The following ITGA2 variants were observed in gnomAD, a reference collection of about 807,000 sequenced individuals.
ITGA2 encodes integrin alpha-2.
Under a neutral mutation model 146.3 loss-of-function variants are expected in ITGA2, and 101 were observed. The observed-to-expected ratio is 0.69, with a 90% confidence interval of 0.59 to 0.81. ITGA2 has a LOEUF of 0.81. Ranked by LOEUF, ITGA2 falls within the 40% of genes least tolerant of loss-of-function variation. ITGA2 has a pLI of 0.00. For missense variants in ITGA2, 1,281 were observed against 1,402.7 expected, an observed-to-expected ratio of 0.91 and a Z score of 1.39; for synonymous variants, 477 against 487.1, an observed-to-expected ratio of 0.98 and a Z score of 0.27.
chr5:53,028,998 A>G (rs935893395), intron 2 of ITGA2, among the ~76,000 whole-genome samples: 3 of 152,162 alleles, frequency 2.0e-5, no homozygotes, highest in African/African-American at 7.2e-5. Flanking sequence ...TCGGCCAGGA[A>G]CGGTGGCTCA....
At chr5:53,016,449 G>T (rs1335883648) in intron 1 of ITGA2, among the ~76,000 whole-genome samples, 1 of 152,116 alleles carries the variant, frequency 6.6e-6, no homozygotes, top group Admixed American at 6.5e-5. Flanking sequence ...CTGCTTATAA[G>T]GTTCGTTGTT....
At chr5:53,049,699 T>C (rs1744262511) in intron 6 of ITGA2, among the ~76,000 whole-genome samples, 1 of 152,154 alleles carries the variant, frequency 6.6e-6, no homozygotes, top group Admixed American at 6.5e-5. Context: ...GTTTTGGATT[T>C]TTTTTTTCCT....
intron 26 of ITGA2, 81 bp downstream of exon 26, chr5:53,081,777 C>G (rs1221107692): frequency 3.2e-6 from 3 of 930,442 alleles, no homozygotes; most frequent in Non-Finnish European, 5.2e-6. Context: ...CTCCTACCAG[C>G]TGATATCATA....
chr5:53,066,521 C>T lies in ITGA2; in HGVS notation c.1943+544C>T, dbSNP rs565287397. On this transcript the variant is annotated intron_variant, in intron 15 of 29. Coordinates refer to ENST00000296585, the MANE Select transcript of ITGA2 (RefSeq NM_002203.4). ...AAGGTCAAAAATAAGTATATTGGGC[C>T]GGCAAGGGAATAGAATCAGAAAGAA... Among the ~76,000 whole-genome samples the T allele has an allele frequency of 1.2e-3, 184 of 151,744 alleles. 2 individuals are homozygous for T. The South Asian group carries it at 0.035, about 29-fold the overall frequency.
At chr5:53,055,135 G>A (rs544939416) in intron 7 of ITGA2, among the ~76,000 whole-genome samples, 20 of 151,452 alleles carry the variant, frequency 1.3e-4, no homozygotes, top group Non-Finnish European at 2.7e-4. Context: ...TTTTAACTGT[G>A]GATATCTATT....
rs529243270 is a variant in ITGA2 at position 53,045,907 on chromosome 5, G to A, written c.387+815G>A. On this transcript the variant is annotated intron_variant, in intron 4 of 29. Coordinates refer to ENST00000296585, the MANE Select transcript of ITGA2 (RefSeq NM_002203.4). ...ATAACCCTGTTAAAATTGTCTTAGAGAGGTTGGGCGCGGTGGCTCATGGCT... is the reference window on the plus strand; with the variant it reads ...ATAACCCTGTTAAAATTGTCTTAGAAAGGTTGGGCGCGGTGGCTCATGGCT... Among the ~76,000 whole-genome samples, 4 of 79,992 alleles carry A rather than the reference G, an allele frequency of 5.0e-5. No individual in the cohort carries two copies. In the East Asian group the frequency reaches 1.3e-3, roughly 27 times the overall value. 52.5% of individuals were successfully genotyped at this position (79,992 alleles called of 152,430 possible).
chr5:53,079,682 A>T (rs1402601314), intron 24 of ITGA2, among the ~76,000 whole-genome samples: 1 of 152,172 alleles, frequency 6.6e-6, no homozygotes, highest in African/African-American at 2.4e-5. Context: ...TGATCTAGAT[A>T]CTACAATAGA....
intron 1 of ITGA2, among the ~76,000 whole-genome samples, chr5:53,010,214 A>T (rs3212402): frequency 0.19 from 28,861 of 151,976 alleles, 2,821 homozygotes; most frequent in Non-Finnish European, 0.2. Flanking sequence ...GCAAATTTTT[A>T]AAAAAATGTT....
At chr5:53,030,698 G>T (rs185776834) in intron 2 of ITGA2, among the ~76,000 whole-genome samples, 6 of 152,216 alleles carry the variant, frequency 3.9e-5, no homozygotes, top group Non-Finnish European at 8.8e-5. Context: ...AAACATAGTT[G>T]TTGGCCTTAA....
At chr5:53,046,976 G>A (rs1007835170) in intron 4 of ITGA2, among the ~76,000 whole-genome samples, 1 of 151,690 alleles carries the variant, frequency 6.6e-6, no homozygotes, top group African/African-American at 2.4e-5. Flanking sequence ...TTTAAAAAAA[G>A]CTTAGGAATG....
chr5:53,052,109 C>T (rs1374497055), intron 7 of ITGA2, among the ~76,000 whole-genome samples: 2 of 151,936 alleles, frequency 1.3e-5, no homozygotes, highest in Non-Finnish European at 2.9e-5. Context: ...TTTTATTATA[C>T]TTTAAGTTCT....
chr5:53,011,273 A>T (rs1053013815), intron 1 of ITGA2, among the ~76,000 whole-genome samples: 4 of 152,100 alleles, frequency 2.6e-5, no homozygotes, highest in African/African-American at 9.7e-5. Flanking sequence ...TTGTTCCTTT[A>T]TTTTGCCTAA....
Position 53,051,494 on chromosome 5 carries a change from AACATCCCAG to A in ITGA2, c.723_731del (p.Thr242_Gln244del). On this transcript the variant is annotated inframe_deletion, in exon 7 of 30. Transcript: ENST00000296585. ...AAACCAAAGAAGAAATGATTGTAGCAACATCCCAGACATCCCAATATGGTGGGGACCTCA... is the reference window on the plus strand; with the variant it reads ...AAACCAAAGAAGAAATGATTGTAGCAACATCCCAATATGGTGGGGACCTCA... 6.2e-7 allele frequency: 1 copy of A among 1,613,676 alleles called. No individual in the cohort carries two copies. Among genetic ancestry groups the A allele is most frequent in the Non-Finnish European group, 8.5e-7 (1 of 1,179,710 alleles).
At chr5:53,040,658 C>G (rs994538539) in intron 2 of ITGA2, among the ~76,000 whole-genome samples, 2 of 152,274 alleles carry the variant, frequency 1.3e-5, no homozygotes, top group Admixed American at 1.3e-4. Flanking sequence ...TCTTTCAACT[C>G]TAACGTTAAG....
At chr5:53,062,991 T>C in intron 13 of ITGA2, 62 bp downstream of exon 13, 2 of 1,354,858 alleles carry the variant, frequency 1.5e-6, no homozygotes, top group Non-Finnish European at 2.1e-6. Context: ...TTAACTTGCA[T>C]TTGGAAAGAA....
chr5:53,021,375 A>G (rs1370052168), intron 1 of ITGA2, among the ~76,000 whole-genome samples: 3 of 152,198 alleles, frequency 2.0e-5, no homozygotes, highest in Non-Finnish European at 1.5e-5. Flanking sequence ...TAAAATACAA[A>G]ATTTTTATTA....
chr5:53,065,855 C>T lies in ITGA2; in HGVS notation c.1821C>T (p.Ser607=), dbSNP rs749850427. 2.4e-5 allele frequency: 39 copies of T among 1,611,656 alleles called. No individual in the cohort carries two copies. Among genetic ancestry groups the T allele is most frequent in the Middle Eastern group, 3.3e-4 (2 of 6,062 alleles). ...RTKYSQKILG[S]DGAFRSHLQY... ...TGCTCTTTTAGAAAATCTTGGGATC[C>T]GATGGAGCCTTTAGGAGCCATCTCC... Residue 607 remains serine (S), a synonymous_variant, in exon 15 of 30, where the codon TCC becomes TCT. Transcript: ENST00000296585.
At chr5:53,009,568 C>G (rs1742021637) in intron 1 of ITGA2, among the ~76,000 whole-genome samples, 1 of 152,030 alleles carries the variant, frequency 6.6e-6, no homozygotes, top group Admixed American at 6.6e-5. Context: ...CTGTTTTTAC[C>G]TGCTAGATAT....
chr5:52,990,380 G>A (rs1423561004), intron 1 of ITGA2: 2 of 152,286 alleles, frequency 1.3e-5, no homozygotes, highest in African/African-American at 4.8e-5. Context: ...ATAAGGCTGG[G>A]GTGGAGAGCT....
Sources: allele counts gnomAD v4.1 joint callset (sites outside exome capture counted in the v4.1 genomes callset), GRCh38; gene constraint gnomAD v4.1.1; transcripts MANE v1.5; gene names NCBI Gene and HGNC (gene_info 2026-07-23, HGNC 2026-07-21).